The following CSMD1 variants were observed in gnomAD, a reference collection of about 807,000 sequenced individuals.
CSMD1 encodes the protein CUB and sushi domain-containing protein 1.
CSMD1 carries 213 observed loss-of-function variants against 417.5 expected under a neutral mutation model. The ratio of observed to expected loss-of-function variants is 0.51; its 90% CI spans 0.46 to 0.57. CSMD1 has a LOEUF of 0.57. CSMD1 is among the 20% of genes least tolerant of loss of function. CSMD1 has a pLI of 0.00. For missense variants in CSMD1, 6,923 were observed against 4,529.7 expected (o/e 1.53, Z -15.17); for synonymous variants, 2,862 against 1,736.8 (o/e 1.65, Z -16.11).
At chr8:4,372,937 A>T (rs747085397) in intron 3 of CSMD1, among the ~76,000 whole-genome samples, 3 of 152,228 alleles carry the variant, frequency 2.0e-5, no homozygotes, top group African/African-American at 4.8e-5. Context: ...GCACATAGTG[A>T]TTTGCTTCCG....
intron 7 of CSMD1, among the ~76,000 whole-genome samples, chr8:3,625,902 T>C (rs1240794983): frequency 1.3e-5 from 2 of 152,212 alleles, no homozygotes; most frequent in African/African-American, 4.8e-5. Context: ...AACTGATATA[T>C]CACGGTAGCA....
chr8:3,606,640 A>G (rs1419931599), intron 8 of CSMD1, among the ~76,000 whole-genome samples: 1 of 152,044 alleles, frequency 6.6e-6, no homozygotes, highest in Non-Finnish European at 1.5e-5. Context: ...GGGCCACTAT[A>G]AATTTATTAA....
chr8:4,597,459 T>A (rs151233079), intron 2 of CSMD1, among the ~76,000 whole-genome samples: 1 of 152,172 alleles, frequency 6.6e-6, no homozygotes. Context: ...ATGCTTTGAA[T>A]TGAGTTTCAT....
At chr8:3,230,349 T>C (rs1328186105) in intron 26 of CSMD1, 118 bp from the exon 27 acceptor site, 1 of 681,390 alleles carries the variant, frequency 1.5e-6, no homozygotes, top group Non-Finnish European at 2.3e-6. Context: ...GTCATTTGTC[T>C]ACACATGAAC....
intron 59 of CSMD1, among the ~76,000 whole-genome samples, chr8:2,963,889 G>A (rs776641127): frequency 8.1e-4 from 123 of 152,274 alleles, no homozygotes; most frequent in African/African-American, 2.7e-3. Context: ...ATGCCTGAAT[G>A]GTTAAAGAAG....
At chr8:3,527,258 T>C (rs1247435530) in intron 10 of CSMD1, among the ~76,000 whole-genome samples, 4 of 152,194 alleles carry the variant, frequency 2.6e-5, no homozygotes. Flanking sequence ...TACAGGGCGC[T>C]GATAGGGAAT....
intron 18 of CSMD1, among the ~76,000 whole-genome samples, chr8:3,385,491 A>T (rs193217377): frequency 1.8e-4 from 28 of 151,990 alleles, no homozygotes; most frequent in African/African-American, 6.5e-4. Flanking sequence ...AATATTTCTA[A>T]TTCATATCAT....
chr8:4,884,564 G>C (rs1803607538), intron 1 of CSMD1, among the ~76,000 whole-genome samples: 1 of 151,786 alleles, frequency 6.6e-6, no homozygotes, highest in African/African-American at 2.4e-5. Context: ...GAGATGGATT[G>C]GGCTTCGACT....
intron 3 of CSMD1, among the ~76,000 whole-genome samples, chr8:4,174,115 G>C (rs1036869593): frequency 6.6e-6 from 1 of 152,116 alleles, no homozygotes; most frequent in East Asian, 1.9e-4. Context: ...TGGAGGGTAG[G>C]GCAAGCCTGG....
intron 2 of CSMD1, among the ~76,000 whole-genome samples, chr8:4,467,958 G>A (rs1413310444): frequency 2.0e-5 from 3 of 152,124 alleles, no homozygotes; most frequent in South Asian, 2.1e-4. Flanking sequence ...GTAATATGAT[G>A]GTTTACAAGG....
chr8:3,521,782 T>C (rs1381971298), intron 10 of CSMD1, among the ~76,000 whole-genome samples: 1 of 152,208 alleles, frequency 6.6e-6, no homozygotes, highest in Non-Finnish European at 1.5e-5. Context: ...CAAAATGCAT[T>C]GAATGACAAA....
chr8:3,638,388 T>C (rs947701500), intron 7 of CSMD1, among the ~76,000 whole-genome samples: 2 of 152,018 alleles, frequency 1.3e-5, no homozygotes, highest in African/African-American at 2.4e-5. Context: ...TATCAGTTAT[T>C]GGTTTGATGC....
chr8:3,246,872 A>C (rs73185556), intron 26 of CSMD1, among the ~76,000 whole-genome samples: 16,161 of 152,232 alleles, frequency 0.11, 965 homozygotes, highest in Non-Finnish European at 0.13. Context: ...GTTGATTAAA[A>C]ATTTTTGGAA....
intron 2 of CSMD1, among the ~76,000 whole-genome samples, chr8:4,461,261 C>T (rs1799799421): frequency 6.6e-6 from 1 of 151,992 alleles, no homozygotes; most frequent in South Asian, 2.1e-4. Flanking sequence ...CTGCGAAAAG[C>T]CTACAGTTAA....
At chr8:3,310,390 G>C (rs1805235136) in intron 23 of CSMD1, among the ~76,000 whole-genome samples, 1 of 152,174 alleles carries the variant, frequency 6.6e-6, no homozygotes, top group Non-Finnish European at 1.5e-5. Context: ...GTCTTTAGAA[G>C]GCAGTCCTGC....
At chr8:3,834,156 T>C (rs895257151) in intron 5 of CSMD1, among the ~76,000 whole-genome samples, 4 of 152,226 alleles carry the variant, frequency 2.6e-5, no homozygotes, top group Admixed American at 6.5e-5. Context: ...GCTTTATCTA[T>C]ATATACCTAT....
chr8:4,244,363 A>G (rs986762289), intron 3 of CSMD1, among the ~76,000 whole-genome samples: 2 of 152,178 alleles, frequency 1.3e-5, no homozygotes, highest in Admixed American at 6.5e-5. Flanking sequence ...TAATAGGTAG[A>G]AAGACCTAGA....
intron 5 of CSMD1, among the ~76,000 whole-genome samples, chr8:3,787,965 T>C (rs576052654): frequency 6.6e-6 from 1 of 152,334 alleles, no homozygotes; most frequent in East Asian, 1.9e-4. Context: ...GGGCTCCTAA[T>C]GCTCTTGAAT....
At chr8:3,914,807 A>T (rs1265680265) in intron 5 of CSMD1, among the ~76,000 whole-genome samples, 1 of 152,000 alleles carries the variant, frequency 6.6e-6, no homozygotes, top group Non-Finnish European at 1.5e-5. Context: ...ATTTATTGAC[A>T]TCTACTCTAC....
Sources: allele counts gnomAD v4.1 joint callset (sites outside exome capture counted in the v4.1 genomes callset), GRCh38; gene constraint gnomAD v4.1.1; transcripts MANE v1.5; gene names NCBI Gene and HGNC (gene_info 2026-07-23, HGNC 2026-07-21).